Variants in ZEB1 observed in about 807,000 individuals in gnomAD.
ZEB1 encodes zinc finger E-box binding homeobox 1, also known as zinc finger E-box-binding homeobox 1.
In ZEB1, 21 loss-of-function variants were observed where a neutral mutation model predicts 84.9. The observed-to-expected ratio is 0.25, with a 90% CI of 0.18 to 0.36. ZEB1 has a LOEUF of 0.36. Ranked by LOEUF, ZEB1 falls within the 10% of genes least tolerant of loss-of-function variation. The probability of loss-of-function intolerance (pLI) is 1.00; values close to 1 mark genes in which losing one functional copy is unlikely to be tolerated. For missense variants in ZEB1, 1,104 were observed against 1,330.2 expected (o/e 0.83, Z 2.65); for synonymous variants, 420 against 471.1 (o/e 0.89, Z 1.41).
chr10:31,387,426 C>T (rs1398367680), intron 1 of ZEB1, among the ~76,000 whole-genome samples: 1 of 151,980 alleles, frequency 6.6e-6, no homozygotes, highest in African/African-American at 2.4e-5. Flanking sequence ...AGGTGCTTTT[C>T]GTTATTTAGA....
intron 1 of ZEB1, among the ~76,000 whole-genome samples, chr10:31,424,012 T>A (rs979144113): frequency 1.3e-5 from 2 of 152,060 alleles, no homozygotes; most frequent in African/African-American, 4.8e-5. Context: ...GCTTTTGTTT[T>A]TTTGTTGTTG....
chr10:31,356,014 A>T (rs575720617), intron 1 of ZEB1, among the ~76,000 whole-genome samples: 8 of 152,222 alleles, frequency 5.3e-5, no homozygotes, highest in African/African-American at 1.7e-4. Context: ...AAGGGAATAG[A>T]TTTGAAATTT....
intron 2 of ZEB1, among the ~76,000 whole-genome samples, chr10:31,482,905 T>C (rs1055791949): frequency 6.6e-6 from 1 of 152,080 alleles, no homozygotes; most frequent in Admixed American, 6.6e-5. Context: ...TCTGTTAGCC[T>C]AAAAGAATGT....
intron 1 of ZEB1, among the ~76,000 whole-genome samples, chr10:31,383,989 T>TC (rs2048168009): frequency 6.9e-6 from 1 of 145,394 alleles, no homozygotes; most frequent in African/African-American, 2.6e-5. Flanking sequence ...TTTTTTTTTT[T>TC]TTGAGATAGA....
rs544730764 is a variant in ZEB1, at chr10:31,377,982, G to T, written c.58+58690G>T. 1.4e-3 allele frequency among the ~76,000 whole-genome samples: 217 copies of T among 151,062 alleles called. 1 individual carries two copies. Among genetic ancestry groups the T allele is most frequent in the Non-Finnish European group, 2.4e-3 (163 of 67,558 alleles). ...TTAAACAGCAGATTAGCATTTTAAG[G>T]GAAAGGAACTAAAACAAGCACAATA... On this transcript the variant is annotated intron_variant, in intron 1 of 8. Coordinates refer to ENST00000424869, the MANE Select transcript of ZEB1 (RefSeq NM_001174096.2).
upstream of ZEB1, chr10:31,318,896 C>T (rs996774826): frequency 1.0e-5 from 4 of 392,218 alleles, no homozygotes; most frequent in African/African-American, 4.1e-5. Context: ...CCAACTTTAC[C>T]TTTCCAACTC....
At chr10:31,392,143 C>T (rs1333968963) in intron 1 of ZEB1, among the ~76,000 whole-genome samples, 1 of 152,130 alleles carries the variant, frequency 6.6e-6, no homozygotes, top group African/African-American at 2.4e-5. Context: ...TTCTTCTGTT[C>T]TGCCCTTTGA....
In ZEB1 at chr10:31,521,484, C is replaced by G; in HGVS notation, c.2152C>G (p.Gln718Glu). ...AAACCTTTCCTCATCCAGAAATACA[C>G]AGGGTTACTTGTACACAGCTGAGGG... ...PLNLSSSRNT[Q>E]GYLYTAEGAQ... The change falls in exon 7 of 9, where the codon CAG (glutamine) becomes GAG (glutamate). Residue 718 changes from glutamine (Q) to glutamate (E), a missense_variant. Gln to Glu is a conservative substitution (Grantham distance 29, BLOSUM62 2). Transcript: ENST00000424869. 1 of 1,614,114 alleles carries G rather than the reference C, an allele frequency of 6.2e-7. No homozygotes were observed. The highest frequency in any genetic ancestry group is 8.5e-7 in the Non-Finnish European group (1 of 1,180,018).
At chr10:31,318,888 A>C, upstream of ZEB1, 1 of 369,336 alleles carries the variant, frequency 2.7e-6, no homozygotes, top group Non-Finnish European at 5.2e-6. Context: ...CCGAGCCTCC[A>C]ACTTTACCTT....
At chr10:31,400,009 A>G (rs554552797) in intron 1 of ZEB1, among the ~76,000 whole-genome samples, 2 of 152,344 alleles carry the variant, frequency 1.3e-5, no homozygotes, top group South Asian at 4.1e-4. Context: ...TTAAATGTCA[A>G]TTTAATGAAG....
chr10:31,483,816 G>T (rs1236827086), intron 2 of ZEB1, among the ~76,000 whole-genome samples: 1 of 151,876 alleles, frequency 6.6e-6, no homozygotes, highest in Non-Finnish European at 1.5e-5. Context: ...ACACACTTAC[G>T]ATTTAAACAA....
intron 1 of ZEB1, among the ~76,000 whole-genome samples, chr10:31,426,145 C>G (rs1419155527): frequency 6.6e-6 from 1 of 152,156 alleles, no homozygotes; most frequent in Non-Finnish European, 1.5e-5. Context: ...ACCAATGTTA[C>G]AGTATGTTGT....
At chr10:31,421,355 T>G (rs1416670301) in intron 1 of ZEB1, among the ~76,000 whole-genome samples, 1 of 152,120 alleles carries the variant, frequency 6.6e-6, no homozygotes, top group Non-Finnish European at 1.5e-5. Flanking sequence ...CCATGTGGTA[T>G]TAATCTACCA....
At chr10:31,411,638 C>CAA (rs11440732) in intron 1 of ZEB1, among the ~76,000 whole-genome samples, 1,376 of 97,400 alleles carry the variant, frequency 0.014, 66 homozygotes, top group African/African-American at 0.032. Flanking sequence ...GACTCCGTCT[C>CAA]AAAAAAAAAA....
chr10:31,477,950 AG>A (rs2064475690), intron 2 of ZEB1, among the ~76,000 whole-genome samples: 1 of 152,000 alleles, frequency 6.6e-6, no homozygotes, highest in African/African-American at 2.4e-5. Context: ...ACATTGGCTT[AG>A]GCAAAGAATT....
rs1199619327 is a variant in ZEB1 at position 31,527,056 on chromosome 10, G to A, written c.3170G>A (p.Cys1057Tyr). The A allele has an allele frequency of 1.3e-6, 2 of 1,584,194 alleles. No individual in the cohort carries two copies. Among genetic ancestry groups the A allele is most frequent in the East Asian group, 2.3e-5 (1 of 43,078 alleles). The change falls in exon 9 of 9, where the codon TGT (cysteine) becomes TAT (tyrosine). Residue 1057 changes from cysteine to tyrosine, a missense_variant. By Grantham distance (194) the Cys-to-Tyr change is radical. Around this residue, in one of 7 missense-constraint regions of ZEB1, gnomAD observed 173 missense variants for 167.0 expected, o/e 1.04. Transcript: ENST00000424869. Reference sequence around the variant, plus strand: ...GAAGAATTGCAGGAAGAAAAAGAATGTGAAAAACCACAAGGGGATGAGGAA... The same window carrying A: ...GAAGAATTGCAGGAAGAAAAAGAATATGAAAAACCACAAGGGGATGAGGAA... ...EMEELQEEKECEKPQGDEEEE... is the reference protein window; with the variant it reads ...EMEELQEEKEYEKPQGDEEEE...
intron 1 of ZEB1, among the ~76,000 whole-genome samples, chr10:31,356,719 T>C (rs2042185276): frequency 6.6e-6 from 1 of 152,126 alleles, no homozygotes; most frequent in South Asian, 2.1e-4. Flanking sequence ...GATACCATAG[T>C]CAACTACCTA....
intron 2 of ZEB1, among the ~76,000 whole-genome samples, chr10:31,482,948 AC>A (rs2065239156): frequency 6.6e-6 from 1 of 151,992 alleles, no homozygotes; most frequent in Non-Finnish European, 1.5e-5. Context: ...AGTTTTTTGT[AC>A]TTTTCCTGAT....
intron 2 of ZEB1, among the ~76,000 whole-genome samples, chr10:31,462,123 C>A (rs2061888535): frequency 6.6e-6 from 1 of 152,070 alleles, no homozygotes; most frequent in Non-Finnish European, 1.5e-5. Flanking sequence ...AAACTAAAAT[C>A]TGGAAAAGTG....
Sources: gnomAD v4.1 joint callset for allele counts (sites outside exome capture counted in the v4.1 genomes callset) on GRCh38, gnomAD v4.1.1 for gene constraint, gnomAD v4.1.1 regional missense constraint, MANE v1.5 for transcripts, NCBI Gene and HGNC (gene_info 2026-07-23, HGNC 2026-07-21) for gene names.